Variants in DTD1 observed in about 807,000 individuals in gnomAD.
DTD1 encodes the protein D-aminoacyl-tRNA deacylase 1.
In DTD1, 13 loss-of-function variants were observed where a neutral mutation model predicts 25.6. The ratio of observed to expected loss-of-function variants is 0.51; its 90% CI spans 0.33 to 0.81. The LOEUF (loss-of-function observed/expected upper bound fraction) is 0.81. Among genes scored for constraint, DTD1 ranks in the 30% least tolerant of loss-of-function variants. The pLI is 0.02. For synonymous variants in DTD1, 110 were observed against 103.6 expected (o/e 1.06, Z -0.37); for missense variants, 193 against 266.4 (o/e 0.72, Z 1.92).
intron 3 of DTD1, among the ~76,000 whole-genome samples, chr20:18,611,514 C>T (rs1226722055): frequency 6.6e-6 from 1 of 152,184 alleles, no homozygotes; most frequent in Non-Finnish European, 1.5e-5. Context: ...TTCTCCTTTC[C>T]TAAGTGAAAT....
At chr20:18,692,946 T>G (rs2122439882) in intron 4 of DTD1, among the ~76,000 whole-genome samples, 2 of 135,674 alleles carry the variant, frequency 1.5e-5, no homozygotes, top group Admixed American at 1.8e-4. Flanking sequence ...CAGGCTGGAG[T>G]GCAGTGGCAC....
intron 4 of DTD1, among the ~76,000 whole-genome samples, chr20:18,644,753 T>C (rs2060844289): frequency 6.6e-6 from 1 of 152,106 alleles, no homozygotes; most frequent in Non-Finnish European, 1.5e-5. Flanking sequence ...CCAGGATAGA[T>C]TTGAGATAAA....
At chr20:18,732,726 G>A (rs1374913479) in intron 4 of DTD1, among the ~76,000 whole-genome samples, 3 of 152,206 alleles carry the variant, frequency 2.0e-5, no homozygotes, top group South Asian at 4.1e-4. Flanking sequence ...AGAGTGTATC[G>A]TTTGTCACAC....
chr20:18,700,709 T>C (rs1314065401), intron 4 of DTD1, among the ~76,000 whole-genome samples: 1 of 151,948 alleles, frequency 6.6e-6, no homozygotes, highest in Non-Finnish European at 1.5e-5. Context: ...AGTGGCATGG[T>C]GGAGGTGGCA....
chr20:18,708,205 ATTTT>A (rs2061135386), intron 4 of DTD1, among the ~76,000 whole-genome samples: 2 of 53,832 alleles, frequency 3.7e-5, no homozygotes, highest in South Asian at 1.0e-3. Flanking sequence ...TTATATATAT[ATTTT>A]ATATATATAA....
At chr20:18,703,745 T>C (rs1343488031) in intron 4 of DTD1, among the ~76,000 whole-genome samples, 1 of 151,912 alleles carries the variant, frequency 6.6e-6, no homozygotes, top group Non-Finnish European at 1.5e-5. Flanking sequence ...TTTTTGTTTC[T>C]GTTTTCTTAT....
intron 3 of DTD1, among the ~76,000 whole-genome samples, chr20:18,624,174 T>C (rs2060748254): frequency 6.6e-6 from 1 of 152,018 alleles, no homozygotes; most frequent in Non-Finnish European, 1.5e-5. Flanking sequence ...GCCACTGTGC[T>C]CCCAAGGTGA....
At chr20:18,661,880 A>T (rs745936813) in intron 4 of DTD1, among the ~76,000 whole-genome samples, 12 of 152,206 alleles carry the variant, frequency 7.9e-5, no homozygotes, top group Admixed American at 1.3e-4. Flanking sequence ...GACCAGGCAC[A>T]GTGGCTCATG....
At chr20:18,661,980 T>C (rs977306616) in intron 4 of DTD1, among the ~76,000 whole-genome samples, 1 of 152,070 alleles carries the variant, frequency 6.6e-6, no homozygotes, top group Non-Finnish European at 1.5e-5. Context: ...AGTGAGACCC[T>C]GTCTCTACAA....
intron 4 of DTD1, among the ~76,000 whole-genome samples, chr20:18,652,821 ACT>A (rs2060879101): frequency 1.3e-5 from 2 of 152,150 alleles, no homozygotes; most frequent in African/African-American, 4.8e-5. Flanking sequence ...AGACTGCAAA[ACT>A]CTATGCAGAT....
intron 4 of DTD1, among the ~76,000 whole-genome samples, chr20:18,691,739 A>G (rs1600371880): frequency 6.6e-6 from 1 of 152,236 alleles, no homozygotes; most frequent in African/African-American, 2.4e-5. Flanking sequence ...TAACAAACCT[A>G]CACATGTACC....
chr20:18,722,991 T>C (rs1287669453), intron 4 of DTD1, among the ~76,000 whole-genome samples: 2 of 152,204 alleles, frequency 1.3e-5, no homozygotes, highest in Non-Finnish European at 2.9e-5. Flanking sequence ...TCTAAATAAA[T>C]ACAGAAGATT....
intron 4 of DTD1, among the ~76,000 whole-genome samples, chr20:18,647,442 G>A (rs1252929755): frequency 6.6e-6 from 1 of 152,138 alleles, no homozygotes; most frequent in Non-Finnish European, 1.5e-5. Flanking sequence ...AGGTTTGGTG[G>A]GGGCTTGGTC....
At chr20:18,708,440 T>C (rs1568677171) in intron 4 of DTD1, among the ~76,000 whole-genome samples, 1 of 142,202 alleles carries the variant, frequency 7.0e-6, no homozygotes, top group African/African-American at 2.6e-5. Flanking sequence ...ACTGCAACCT[T>C]CACCTCCCTG....
chr20:18,591,160 C>T (rs779673386), intron 1 of DTD1, among the ~76,000 whole-genome samples: 101 of 152,262 alleles, frequency 6.6e-4, no homozygotes, highest in Non-Finnish European at 1.2e-3. Flanking sequence ...ATCTCCTAGT[C>T]CTTCTACTTG....
rs575705265 is a variant in DTD1 at position 18,734,477 on chromosome 20, C to T, written c.478-9623C>T. Among the ~76,000 whole-genome samples the T allele has an allele frequency of 2.6e-5, 4 of 152,320 alleles. No individual in the cohort carries two copies. In the East Asian group the frequency reaches 7.7e-4, roughly 29 times the overall value. ...AGATGTCTCATCTTGCTACAAAGGGCAGTGGGCTTCTCAGGCTACTGTGCC... is the reference window on the plus strand; with the variant it reads ...AGATGTCTCATCTTGCTACAAAGGGTAGTGGGCTTCTCAGGCTACTGTGCC... On this transcript the variant is annotated intron_variant, in intron 4 of 5. Transcript: ENST00000377452.
chr20:18,596,120 G>C lies in DTD1; in HGVS notation c.249G>C (p.Gln83His), dbSNP rs565278506. The C allele has an allele frequency of 6.2e-7, 1 of 1,614,216 alleles. No homozygotes were observed. The highest frequency in any genetic ancestry group is 1.3e-5 in the African/African-American group (1 of 75,054). Reference protein sequence around the residue: ...EILCVSQFTLQCVLKGNKPDF... With the variant: ...EILCVSQFTLHCVLKGNKPDF... ...TGTGTGTCAGCCAGTTTACCCTCCA[G>C]TGTGTCCTGAAGGGAAACAAGCCTG... Residue 83 changes from glutamine to histidine, a missense_variant, in exon 3 of 6, where the codon CAG becomes CAC. By Grantham distance (24) the Gln-to-His change is conservative. Transcript: ENST00000377452.
At chr20:18,639,045 G>A (rs1321956826) in intron 4 of DTD1, among the ~76,000 whole-genome samples, 1 of 152,090 alleles carries the variant, frequency 6.6e-6, no homozygotes, top group Non-Finnish European at 1.5e-5. Context: ...ATGGTGGAGG[G>A]ATTCCATGGC....
intron 5 of DTD1, among the ~76,000 whole-genome samples, chr20:18,745,030 C>G (rs1466557294): frequency 2.6e-5 from 4 of 152,154 alleles, no homozygotes; most frequent in Non-Finnish European, 4.4e-5. Context: ...ATTGCCTGTG[C>G]AGAACACTCA....
Sources: gnomAD v4.1 joint callset for allele counts (sites outside exome capture counted in the v4.1 genomes callset) on GRCh38, gnomAD v4.1.1 for gene constraint, MANE v1.5 for transcripts, NCBI Gene and HGNC (gene_info 2026-07-23, HGNC 2026-07-21) for gene names.